Variants in TRABD2A observed in about 807,000 individuals in gnomAD.
The protein encoded by TRABD2A is metalloprotease TIKI1.
TRABD2A carries 43 observed loss-of-function variants against 45.6 expected under a neutral mutation model. That is an observed-to-expected ratio of 0.94 (90% CI 0.74 to 1.22). The LOEUF is 1.22. Among genes scored for constraint, TRABD2A ranks in the 50% most tolerant of loss-of-function variants. TRABD2A has a pLI of 0.00. For missense variants in TRABD2A, 642 were observed against 652.4 expected (o/e 0.98, Z 0.17); for synonymous variants, 269 against 265.0 (o/e 1.02, Z -0.15).
rs1683138527 is a variant in TRABD2A, at chr2:84,879,656, G to A, written c.108+1276C>T. 3 of 970,266 alleles carry A rather than the reference G, an allele frequency of 3.1e-6. 1 individual carries two copies. In the Admixed American group the frequency reaches 1.8e-4, roughly 60 times the overall value. The allele number at this position is 970,266 out of a possible 1,614,324, so 60.1% of individuals were successfully genotyped here. ...TGAAAGGCAATGTGCTTTCTTGTGAGGAGATGGACTCCTGCCTTGTCTAAC... is the reference window on the plus strand; with the variant it reads ...TGAAAGGCAATGTGCTTTCTTGTGAAGAGATGGACTCCTGCCTTGTCTAAC... On this transcript the variant is annotated intron_variant, in intron 1 of 6. Transcript: ENST00000409520.
rs1285424846 is a variant in TRABD2A, at chr2:84,821,977, G to C, written c.1458C>G (p.Leu486=). ...QMVASSACLS[L]WTPVFWVLVL... ...CCAGCACCCAGAACACAGGAGTCCA[G>C]AGAGACAGGCAGGCACTGCTGGCCA... is the stretch of plus-strand genomic sequence containing the variant. The change falls in exon 7 of 7, where the codon CTC becomes CTG. Residue 486 remains leucine, a synonymous_variant. Coordinates refer to ENST00000409520, the MANE Select transcript of TRABD2A (RefSeq NM_001277053.2). The C allele has an allele frequency of 6.2e-7, 1 of 1,604,892 alleles. No homozygotes were observed. Among genetic ancestry groups the C allele is most frequent in the Non-Finnish European group, 8.5e-7 (1 of 1,175,930 alleles).
At position 84,821,938 on chromosome 2, in the gene TRABD2A, T is replaced by G; in HGVS notation, c.1497A>C (p.Gln499His). The change falls in exon 7 of 7, where the codon CAA (glutamine) becomes CAC (histidine). Residue 499 changes from glutamine (Q) to histidine (H), a missense_variant. Coordinates refer to ENST00000409520, the MANE Select transcript of TRABD2A (RefSeq NM_001277053.2). ...PVFWVLVLAF[Q>H]TETPLL ...GTCGTTACAGGAGGGGTGTCTCTGT[T>G]TGGAAAGCCAGCACCAGCACCCAGA... 1 of 1,603,098 alleles carries G rather than the reference T, an allele frequency of 6.2e-7. No homozygotes were observed. Among genetic ancestry groups the G allele is most frequent in the Non-Finnish European group, 8.5e-7 (1 of 1,174,662 alleles).
chr2:84,855,631 C>T (rs950859247), intron 2 of TRABD2A, among the ~76,000 whole-genome samples: 3 of 152,106 alleles, frequency 2.0e-5, no homozygotes, highest in Non-Finnish European at 4.4e-5. Context: ...CTTCCTTGCC[C>T]CCTAGCCCCC....
rs755139275 is a variant in TRABD2A, at chr2:84,830,875, G to A, written c.1082+1180C>T. On this transcript the variant is annotated intron_variant, in intron 5 of 6. Coordinates refer to ENST00000409520, the MANE Select transcript of TRABD2A (RefSeq NM_001277053.2). This position sits in a 1 kb window ranked among gnomAD's most constrained non-coding sequence, Gnocchi z 4.9. ...GGGCAGCTGGAGATGGGCGGCCTTC[G>A]GGCAGACACAACTGCTGGATCCTCT... 6.8e-4 allele frequency among the ~76,000 whole-genome samples: 104 copies of A among 152,220 alleles called. No individual in the cohort carries two copies. The highest frequency in any genetic ancestry group is 9.3e-4 in the Non-Finnish European group (63 of 68,014).
intron 5 of TRABD2A, among the ~76,000 whole-genome samples, chr2:84,829,630 C>T (rs1011161028): frequency 3.3e-5 from 5 of 149,522 alleles, no homozygotes; most frequent in Middle Eastern, 7.0e-3. Context: ...ACAACGCAAA[C>T]CCCACACGTA....
intron 1 of TRABD2A, among the ~76,000 whole-genome samples, chr2:84,879,036 T>G (rs1361955364): frequency 6.6e-6 from 1 of 151,984 alleles, no homozygotes; most frequent in Non-Finnish European, 1.5e-5. Flanking sequence ...ACCCTCATTT[T>G]CTCACAAGGT....
intron 4 of TRABD2A, chr2:84,838,099 G>C: frequency 1.6e-6 from 1 of 638,294 alleles, no homozygotes; most frequent in Non-Finnish European, 2.9e-6. Context: ...GGAACTATTG[G>C]ACATGTCAAA....
Position 84,830,653 on chromosome 2 carries a change from T to A in TRABD2A, c.1082+1402A>T, listed in dbSNP as rs1681300913. 6.6e-6 allele frequency among the ~76,000 whole-genome samples: 1 copy of A among 152,112 alleles called. No individual in the cohort carries two copies. Among genetic ancestry groups the A allele is most frequent in the Non-Finnish European group, 1.5e-5 (1 of 68,016 alleles). Reference sequence around the variant, plus strand: ...AAATGAGCAGTCTCACATCAGCGCTTCTGTAAACTAGAAAGTGCTCTGTGA... The same window carrying A: ...AAATGAGCAGTCTCACATCAGCGCTACTGTAAACTAGAAAGTGCTCTGTGA... On this transcript the variant is annotated intron_variant, in intron 5 of 6. Transcript: ENST00000409520. The surrounding 1 kb of genome is among the most constrained non-coding windows in gnomAD (Gnocchi z 4.9).
At position 84,841,743 on chromosome 2, in the gene TRABD2A, A is replaced by C. The variant is rs772013719; in HGVS notation, c.816+118T>G. 91 of 1,147,110 alleles carry C rather than the reference A, an allele frequency of 7.9e-5. 1 individual carries two copies. The highest frequency in any genetic ancestry group is 1.0e-4 in the Non-Finnish European group (90 of 871,036). The allele number at this position is 1,147,110 out of a possible 1,614,324, so 71.1% of individuals were successfully genotyped here. On this transcript the variant is annotated intron_variant, in intron 3 of 6. Coordinates refer to ENST00000409520, the MANE Select transcript of TRABD2A (RefSeq NM_001277053.2). ...AATGACATCTAAATCTGCCCACTTTATTTCTAGAGCCCTCATGACCTCAAT... is the reference window on the plus strand; with the variant it reads ...AATGACATCTAAATCTGCCCACTTTCTTTCTAGAGCCCTCATGACCTCAAT...
chr2:84,832,954 G>A (rs1164161197), intron 4 of TRABD2A: 1 of 152,184 alleles, frequency 6.6e-6, no homozygotes, highest in Non-Finnish European at 1.5e-5. Flanking sequence ...TCTAAGATCT[G>A]TCATTCTTGG....
At chr2:84,861,643 G>A (rs1194226766) in intron 2 of TRABD2A, among the ~76,000 whole-genome samples, 2 of 152,160 alleles carry the variant, frequency 1.3e-5, no homozygotes, top group Admixed American at 6.5e-5. Flanking sequence ...TCTGGGCCTG[G>A]GTTGTGTCAA....
chr2:84,868,779 G>A (rs1682777198), intron 2 of TRABD2A, among the ~76,000 whole-genome samples: 1 of 152,210 alleles, frequency 6.6e-6, no homozygotes, highest in Non-Finnish European at 1.5e-5. Flanking sequence ...TTGGGAGTAT[G>A]AAAGAAGGCT....
intron 5 of TRABD2A, among the ~76,000 whole-genome samples, chr2:84,829,390 A>AC (rs1351116192): frequency 9.2e-6 from 1 of 108,700 alleles, no homozygotes; most frequent in African/African-American, 4.5e-5. Context: ...ACACACACAC[A>AC]CACACACACC....
At chr2:84,827,614 C>T (rs76836656) in intron 5 of TRABD2A, among the ~76,000 whole-genome samples, 5,184 of 152,216 alleles carry the variant, frequency 0.034, 327 homozygotes, top group African/African-American at 0.12. Context: ...ATGACCTAGC[C>T]CCTGGAAGCT....
At chr2:84,826,599 C>T (rs549609133) in intron 5 of TRABD2A, among the ~76,000 whole-genome samples, 84 of 152,242 alleles carry the variant, frequency 5.5e-4, no homozygotes, top group South Asian at 1.0e-3. Flanking sequence ...GTGGCACAAT[C>T]TTGGCTCACT....
intron 1 of TRABD2A, among the ~76,000 whole-genome samples, chr2:84,872,372 G>A (rs1056885383): frequency 1.1e-4 from 16 of 152,210 alleles, no homozygotes; most frequent in African/African-American, 3.9e-4. Context: ...AGTCGGGCAT[G>A]GTGGTGCATG....
intron 4 of TRABD2A, chr2:84,833,408 T>C (rs1287342002): frequency 6.6e-6 from 1 of 152,238 alleles, no homozygotes; most frequent in African/African-American, 2.4e-5. Flanking sequence ...ACTGGCAATT[T>C]AGAACAAGTG....
chr2:84,868,852 A>AT (rs1348556203), intron 2 of TRABD2A, among the ~76,000 whole-genome samples: 1 of 152,230 alleles, frequency 6.6e-6, no homozygotes, highest in East Asian at 1.9e-4. Flanking sequence ...TAAGCCTTCA[A>AT]ATCAAAGCAC....
chr2:84,856,090 T>C (rs1451051751), intron 2 of TRABD2A, among the ~76,000 whole-genome samples: 1 of 152,162 alleles, frequency 6.6e-6, no homozygotes, highest in African/African-American at 2.4e-5. Flanking sequence ...TGTTGTGTCT[T>C]CTTTTTATCT....
Sources: gnomAD v4.1 joint callset for allele counts (sites outside exome capture counted in the v4.1 genomes callset) on GRCh38, gnomAD v4.1.1 for gene constraint, Gnocchi (gnomAD v3.1) non-coding constraint, MANE v1.5 for transcripts, NCBI Gene and HGNC (gene_info 2026-07-23, HGNC 2026-07-21) for gene names.